The following LTA4H variants were observed in gnomAD, a reference collection of about 807,000 sequenced individuals.
LTA4H encodes the protein leukotriene A-4 hydrolase.
In LTA4H, 59 loss-of-function variants were observed where a neutral mutation model predicts 89.8. The observed-to-expected ratio is 0.66, with a 90% CI of 0.53 to 0.82. LTA4H has a LOEUF of 0.82. LTA4H is among the 40% of genes least tolerant of loss of function. The pLI, the probability that LTA4H is intolerant of heterozygous loss-of-function variation, is 0.00. For missense variants in LTA4H, 617 were observed against 727.0 expected (o/e 0.85, Z 1.74); for synonymous variants, 227 against 253.1 (o/e 0.90, Z 0.98).
chr12:96,017,004 G>T, intron 10 of LTA4H, 40 bp downstream of exon 10: 1 of 1,381,254 alleles, frequency 7.2e-7, no homozygotes, highest in Non-Finnish European at 1.0e-6. Context: ...AAAAAAATCA[G>T]CAACATGAAC....
rs771156857 is a variant in LTA4H at position 96,022,153 on chromosome 12, G to A, written c.579C>T (p.Ile193=). The change falls in exon 5 of 19, where the codon ATC becomes ATT. Residue 193 remains isoleucine (I), a synonymous_variant. Transcript: ENST00000228740. This position sits in a 1 kb window ranked among gnomAD's most constrained non-coding sequence, Gnocchi z 4.0. ...CTAGACCCTAGGATCTTACTTTTTGGATGAATTTGTATATTTTCCTGCTTG... is the reference window on the plus strand; with the variant it reads ...CTAGACCCTAGGATCTTACTTTTTGAATGAATTTGTATATTTTCCTGCTTG... ...EDPSRKIYKF[I]QKVPIPCYLI... is the part of the protein sequence containing the mutation. The A allele has an allele frequency of 2.5e-6, 4 of 1,611,724 alleles. No individual in the cohort carries two copies. The highest frequency in any genetic ancestry group is 3.4e-6 in the Non-Finnish European group (4 of 1,178,100).
chr12:96,007,292 C>G (rs1950217817), intron 15 of LTA4H, among the ~76,000 whole-genome samples: 1 of 152,166 alleles, frequency 6.6e-6, no homozygotes, highest in Non-Finnish European at 1.5e-5. Context: ...TGAGAACTTA[C>G]AGCTCCAGCT....
intron 18 of LTA4H, among the ~76,000 whole-genome samples, chr12:96,002,246 A>G (rs1308571577): frequency 2.6e-5 from 4 of 152,240 alleles, no homozygotes; most frequent in Non-Finnish European, 5.9e-5. Flanking sequence ...CATATAAAAT[A>G]TACTTAAAAC....
Position 96,002,940 on chromosome 12 carries a change from C to G in LTA4H, c.1718+20G>C, listed in dbSNP as rs371920376. 5 of 1,501,130 alleles carry G rather than the reference C, an allele frequency of 3.3e-6. No homozygotes were observed. The African/African-American group carries it at 6.8e-5, about 21-fold the overall frequency. The allele number at this position is 1,501,130 out of a possible 1,614,324, so 93.0% of individuals were successfully genotyped here. ...CTGTTTCTTAGATGAATTCAAAGTACGGTCTGAGTGGGTTCTTACTTGAAT... is the reference window on the plus strand; with the variant it reads ...CTGTTTCTTAGATGAATTCAAAGTAGGGTCTGAGTGGGTTCTTACTTGAAT... On this transcript the variant is annotated intron_variant, in intron 18 of 18. Transcript: ENST00000228740.
At chr12:96,016,298 CAAAAAA>C (rs762615863) in intron 10 of LTA4H, among the ~76,000 whole-genome samples, 7 of 55,598 alleles carry the variant, frequency 1.3e-4, no homozygotes, top group South Asian at 1.3e-3. Flanking sequence ...GACTCCATCT[CAAAAAA>C]AAAAAAAAAA....
At chr12:96,031,162 TC>T (rs1294915183) in intron 1 of LTA4H, among the ~76,000 whole-genome samples, 1 of 152,196 alleles carries the variant, frequency 6.6e-6, no homozygotes, top group Non-Finnish European at 1.5e-5. Flanking sequence ...CCCTACCCTT[TC>T]CTATAATACT....
rs1566022129 is a variant in LTA4H, at chr12:96,041,975, TGTTTTTTTTTC to T, written c.87+1303_87+1313del. ...TAGTTTTAAATTAAACGTTTCTTTT[TGTTTTTTTTTC>T]TTTTTTTTTTTTTTTTTGACAGGGT... On this transcript the variant is annotated intron_variant, in intron 1 of 17. Coordinates refer to the LTA4H transcript ENST00000413268. 1.7e-4 allele frequency among the ~76,000 whole-genome samples: 22 copies of T among 131,876 alleles called. No individual in the cohort carries two copies. In the South Asian group the frequency reaches 2.2e-3, roughly 13 times the overall value. 86.5% of individuals were successfully genotyped at this position (131,876 alleles called of 152,430 possible).
chr12:96,004,072 T>TA (rs11374431), intron 16 of LTA4H, 152 bp from the exon 17 acceptor site: 182,439 of 421,452 alleles, frequency 0.43, 42,681 homozygotes, highest in African/African-American at 0.73. Context: ...AATTGCACAC[T>TA]AAGTAAATTC....
chr12:96,034,343 T>C (rs1233052868), intron 1 of LTA4H, among the ~76,000 whole-genome samples: 1 of 152,230 alleles, frequency 6.6e-6, no homozygotes, highest in Non-Finnish European at 1.5e-5. Context: ...ATGAAAGGTA[T>C]AAACCAAATA....
At chr12:96,011,597 A>T (rs1483712489) in intron 14 of LTA4H, 1 of 152,190 alleles carries the variant, frequency 6.6e-6, no homozygotes, top group Non-Finnish European at 1.5e-5. Context: ...TTTTAAAAAA[A>T]ATACTTTTCA....
chr12:96,024,184 G>A (rs930882109), intron 4 of LTA4H, among the ~76,000 whole-genome samples: 1 of 151,924 alleles, frequency 6.6e-6, no homozygotes, highest in African/African-American at 2.4e-5. Flanking sequence ...CACCCATCTC[G>A]GCCTCCCAAA....
rs186485519 is a variant in LTA4H, at chr12:96,030,108, C to A, written c.160-923G>T. On this transcript the variant is annotated intron_variant, in intron 1 of 18. Coordinates refer to ENST00000228740, the MANE Select transcript of LTA4H (RefSeq NM_000895.3). ...AGTCTTTTCTGTCCAATAACCTTGA[C>A]CTCTGTCTACTCACAGCCCTTATGG... is the stretch of plus-strand genomic sequence containing the variant. Among the ~76,000 whole-genome samples the A allele has an allele frequency of 2.4e-4, 36 of 152,290 alleles. 1 individual carries two copies. Among genetic ancestry groups the A allele is most frequent in the African/African-American group, 8.2e-4 (34 of 41,558 alleles).
At position 96,013,808 on chromosome 12, in the gene LTA4H, T is replaced by A; in HGVS notation, c.1250A>T (p.Tyr417Phe). The A allele has an allele frequency of 6.3e-7, 1 of 1,585,294 alleles. No individual in the cohort carries two copies. The highest frequency in any genetic ancestry group is 8.6e-7 in the Non-Finnish European group (1 of 1,160,482). ...CCAGTCATCAGTAGTTATGCTCTTA[T>A]AGGAAAACTTCTCAACATAAGCTTT... ...FLKAYVEKFS[Y>F]KSITTDDWKD... The change falls in exon 13 of 19, where the codon TAT becomes TTT. Residue 417 changes from tyrosine (Y) to phenylalanine (F), a missense_variant. Around this residue, in one of 3 missense-constraint regions of LTA4H, gnomAD observed 290 missense variants for 339.1 expected, o/e 0.86. Transcript: ENST00000228740.
upstream of LTA4H, among the ~76,000 whole-genome samples, chr12:96,039,201 G>A (rs1411521840): frequency 6.6e-6 from 1 of 152,076 alleles, no homozygotes; most frequent in Non-Finnish European, 1.5e-5. Context: ...CCTGGGCAAT[G>A]TGGTGAATCC....
chr12:96,008,540 T>C (rs1456396656), intron 15 of LTA4H, among the ~76,000 whole-genome samples: 2 of 150,668 alleles, frequency 1.3e-5, no homozygotes, highest in Non-Finnish European at 2.9e-5. Context: ...GCAAATATTT[T>C]TGCATACTTT....
chr12:96,041,329 A>G (rs1950684596), intron 1 of LTA4H, among the ~76,000 whole-genome samples: 1 of 152,114 alleles, frequency 6.6e-6, no homozygotes, highest in African/African-American at 2.4e-5. Context: ...GAGAAATGAC[A>G]TGGAAGACTG....
intron 1 of LTA4H, among the ~76,000 whole-genome samples, chr12:96,041,797 A>G (rs1038413323): frequency 6.6e-6 from 1 of 151,298 alleles, no homozygotes; most frequent in Non-Finnish European, 1.5e-5. Context: ...GCCCGCCACC[A>G]CGCCCAGCTA....
chr12:96,042,876 G>T (rs1950698128), intron 1 of LTA4H, among the ~76,000 whole-genome samples: 1 of 152,168 alleles, frequency 6.6e-6, no homozygotes, highest in African/African-American at 2.4e-5. Flanking sequence ...GATTACAGAC[G>T]TGAGCCACCA....
chr12:96,016,937 A>C (rs1950386890), intron 10 of LTA4H, 107 bp downstream of exon 10: 1 of 786,958 alleles, frequency 1.3e-6, no homozygotes, highest in East Asian at 2.4e-5. Flanking sequence ...AAGAGATGAT[A>C]ACAAAGAAAA....
Sources: allele counts gnomAD v4.1 joint callset (sites outside exome capture counted in the v4.1 genomes callset), GRCh38; gene constraint gnomAD v4.1.1; regional missense constraint gnomAD v4.1.1; non-coding constraint Gnocchi (gnomAD v3.1); transcripts MANE v1.5; gene names NCBI Gene and HGNC (gene_info 2026-07-23, HGNC 2026-07-21).